The following ERG variants were observed in gnomAD, a reference collection of about 807,000 sequenced individuals.
The protein encoded by ERG is transcriptional regulator ERG.
A neutral mutation model predicts 55.3 loss-of-function variants in ERG; 9 were observed. The observed-to-expected ratio is 0.16, with a 90% CI of 0.10 to 0.28. The LOEUF (loss-of-function observed/expected upper bound fraction) is 0.28, where lower values mean the gene tolerates loss of function less well. ERG is among the 10% of genes least tolerant of loss of function. ERG has a pLI of 1.00. For missense variants in ERG, 434 were observed against 631.6 expected (o/e 0.69, Z 3.35); for synonymous variants, 223 against 237.3 (o/e 0.94, Z 0.55).
intron 1 of ERG, among the ~76,000 whole-genome samples, chr21:38,619,630 C>T (rs1179946032): frequency 1.3e-5 from 2 of 152,252 alleles, no homozygotes; most frequent in Non-Finnish European, 2.9e-5. Flanking sequence ...TCTATTTCAG[C>T]CTACCTTGCC....
At chr21:38,439,123 C>A (rs546582621) in intron 2 of ERG, among the ~76,000 whole-genome samples, 1 of 152,302 alleles carries the variant, frequency 6.6e-6, no homozygotes, top group African/African-American at 2.4e-5. Context: ...TGAGTTCCAC[C>A]TGCAGTGAGC....
At chr21:38,371,019 A>C in the ERG span, among the ~76,000 whole-genome samples, 3 of 151,742 alleles carry the variant, frequency 2.0e-5, no homozygotes, top group South Asian at 6.2e-4. Flanking sequence ...AGACATCTTT[A>C]TAATATGGAA....
chr21:38,654,708 A>G (rs1409308658), intron 1 of ERG, among the ~76,000 whole-genome samples: 1 of 152,222 alleles, frequency 6.6e-6, no homozygotes, highest in African/African-American at 2.4e-5. Flanking sequence ...GTCGGGGTCA[A>G]ATAGACTAGA....
chr21:38,439,357 C>T (rs1160253974), intron 2 of ERG, among the ~76,000 whole-genome samples: 1 of 152,194 alleles, frequency 6.6e-6, no homozygotes, highest in Non-Finnish European at 1.5e-5. Flanking sequence ...TCTATCATGA[C>T]TTGAGCTTTG....
upstream of ERG, among the ~76,000 whole-genome samples, chr21:38,498,724 A>C (rs2059399580): frequency 6.6e-6 from 1 of 152,022 alleles, no homozygotes; most frequent in Non-Finnish European, 1.5e-5. This position sits in a 1 kb window ranked among gnomAD's most constrained non-coding sequence, Gnocchi z 4.6. Flanking sequence ...CGTGTGACAC[A>C]CTGCACTGAG....
intron 2 of ERG, among the ~76,000 whole-genome samples, chr21:38,540,236 G>A (rs1435071423): frequency 6.6e-6 from 1 of 152,136 alleles, no homozygotes; most frequent in African/African-American, 2.4e-5. Flanking sequence ...TCTTATTGAG[G>A]TGAAGTTCAC....
intron 1 of ERG, among the ~76,000 whole-genome samples, chr21:38,489,480 A>C (rs1318689970): frequency 6.6e-6 from 1 of 152,274 alleles, no homozygotes; most frequent in African/African-American, 2.4e-5. Context: ...CTTACAAAGA[A>C]GGTAAAGTCA....
At chr21:38,633,149 T>C (rs2060367284) in intron 1 of ERG, among the ~76,000 whole-genome samples, 1 of 152,194 alleles carries the variant, frequency 6.6e-6, no homozygotes, top group African/African-American at 2.4e-5. Flanking sequence ...TATGGTATGA[T>C]TCTAGTTATA....
At position 38,403,576 on chromosome 21, in the gene ERG, G is replaced by A. The variant is rs372583032; in HGVS notation, c.522C>T (p.Asp174=). 22 of 1,614,044 alleles carry A rather than the reference G, an allele frequency of 1.4e-5. No individual in the cohort carries two copies. The highest frequency in any genetic ancestry group is 1.3e-4 in the Admixed American group (8 of 60,002). Residue 174 remains aspartate, a synonymous_variant, in exon 4 of 10, where the codon GAC becomes GAT. Transcript: ENST00000288319. ...AGCTGGGGGTGAGCCTCTGGAAGTC[G>A]TCCTTGGTCATCTTGCACAGTTCCT... ...DGKELCKMTK[D]DFQRLTPSYN... is the part of the protein sequence containing the mutation.
intron 4 of ERG, 81 bp downstream of exon 4, chr21:38,403,425 A>G: frequency 7.2e-7 from 1 of 1,385,188 alleles, no homozygotes; most frequent in Middle Eastern, 2.4e-4. Context: ...TGCTGTCGAC[A>G]CACCTGGTTG....
At chr21:38,595,695 A>G (rs1208639917) in intron 1 of ERG, among the ~76,000 whole-genome samples, 1 of 152,026 alleles carries the variant, frequency 6.6e-6, no homozygotes, top group Non-Finnish European at 1.5e-5. Context: ...TAAGATGGAG[A>G]CTGTGATGAA....
Position 38,423,538 on chromosome 21 carries a change from A to G in ERG, c.260T>C (p.Val87Ala). The G allele has an allele frequency of 6.2e-7, 1 of 1,613,922 alleles. No homozygotes were observed. Among genetic ancestry groups the G allele is most frequent in the East Asian group, 2.2e-5 (1 of 44,888 alleles). The change falls in exon 3 of 10, where the codon GTG becomes GCG. Residue 87 changes from valine (V) to alanine (A), a missense_variant. Val to Ala is a moderately conservative substitution (Grantham distance 64). Transcript: ENST00000288319. ...GCCCACCATCTTCCCGCCTTTGGCC[A>G]CACTGCATTCATCAGGAGAGTTCCT... ...GSRNSPDECSVAKGGKMVGSP... is the reference protein window; with the variant it reads ...GSRNSPDECSAAKGGKMVGSP...
chr21:38,501,764 A>C (rs1436847456), upstream of ERG, among the ~76,000 whole-genome samples: 1 of 152,208 alleles, frequency 6.6e-6, no homozygotes, highest in Non-Finnish European at 1.5e-5. Context: ...CTATGAATAA[A>C]GCACACATTT....
Position 38,382,257 on chromosome 21 carries a change from T to C in ERG, c.*1146A>G. 1 of 1,051,228 alleles carries C rather than the reference T, an allele frequency of 9.5e-7. No individual in the cohort carries two copies. Among genetic ancestry groups the C allele is most frequent in the Non-Finnish European group, 1.1e-6 (1 of 869,964 alleles). 65.1% of individuals were successfully genotyped at this position (1,051,228 alleles called of 1,614,324 possible). A position where few individuals can be genotyped will look rare whatever the true frequency, so the allele number is the denominator to read the frequency against. ...AAAGGGGGAAAAACATTGACTTGTATACTTCATTCTGACAAACGCACAGCG... is the reference window on the plus strand; with the variant it reads ...AAAGGGGGAAAAACATTGACTTGTACACTTCATTCTGACAAACGCACAGCG... On this transcript the variant is annotated 3_prime_UTR_variant, in exon 10 of 10. Transcript: ENST00000288319.
chr21:38,515,109 T>A (rs935454917), intron 2 of ERG, among the ~76,000 whole-genome samples: 1 of 152,108 alleles, frequency 6.6e-6, no homozygotes, highest in Middle Eastern at 3.4e-3. Flanking sequence ...GATATATTCA[T>A]GGATTGAAAA....
Position 38,380,475 on chromosome 21 carries a change from A to C in ERG, c.*2928T>G. ...TACAAGGCCCGAAAGCCAATTGAAG[A>C]CAAGAAAAGAAGACAAATCTCTTGC... On this transcript the variant is annotated 3_prime_UTR_variant, in exon 10 of 10. Coordinates refer to ENST00000288319, the MANE Select transcript of ERG (RefSeq NM_182918.4). The C allele has an allele frequency of 9.4e-7, 1 of 1,065,142 alleles. No individual in the cohort carries two copies. Among genetic ancestry groups the C allele is most frequent in the Non-Finnish European group, 1.1e-6 (1 of 879,172 alleles). The allele number at this position is 1,065,142 out of a possible 1,614,324, so 66.0% of individuals were successfully genotyped here.
chr21:38,404,040 AAATG>A (rs1233996519), intron 3 of ERG, among the ~76,000 whole-genome samples: 2 of 152,098 alleles, frequency 1.3e-5, no homozygotes, highest in African/African-American at 4.8e-5. Context: ...ATTTATTTTA[AAATG>A]AGTAAGAATA....
Position 38,381,285 on chromosome 21 carries a change from C to A in ERG, c.*2118G>T, listed in dbSNP as rs118017111. ...TATTCAGCTAAGATGTTTCGGCTAG[C>A]GCCTTCGCACGGTCACCTTGTATTT... is the stretch of plus-strand genomic sequence containing the variant. On this transcript the variant is annotated 3_prime_UTR_variant, in exon 10 of 10. Transcript: ENST00000288319. The A allele has an allele frequency of 9.6e-5, 102 of 1,064,940 alleles. No homozygotes were observed. The highest frequency in any genetic ancestry group is 1.1e-4 in the Non-Finnish European group (99 of 879,156). The allele number at this position is 1,064,940 out of a possible 1,614,324, so 66.0% of individuals were successfully genotyped here.
At position 38,382,947 on chromosome 21, in the gene ERG, T is replaced by C. The variant is rs1038801632; in HGVS notation, c.*456A>G. On this transcript the variant is annotated 3_prime_UTR_variant, in exon 10 of 10. Transcript: ENST00000288319. ...CTCGTGTCTTTTCTCTTGTTTTTGATATGTTTCTATTTTTAAATACAGGTA... is the reference window on the plus strand; with the variant it reads ...CTCGTGTCTTTTCTCTTGTTTTTGACATGTTTCTATTTTTAAATACAGGTA... The C allele has an allele frequency of 9.4e-7, 1 of 1,066,460 alleles. No individual in the cohort carries two copies. The highest frequency in any genetic ancestry group is 1.1e-6 in the Non-Finnish European group (1 of 879,836). The allele number at this position is 1,066,460 out of a possible 1,614,324, so 66.1% of individuals were successfully genotyped here.
Sources: allele counts gnomAD v4.1 joint callset (sites outside exome capture counted in the v4.1 genomes callset), GRCh38; gene constraint gnomAD v4.1.1; non-coding constraint Gnocchi (gnomAD v3.1); transcripts MANE v1.5; gene names NCBI Gene and HGNC (gene_info 2026-07-23, HGNC 2026-07-21).